FUT8: variants seen among roughly 807,000 people sequenced by gnomAD.
FUT8 encodes the protein alpha-(1,6)-fucosyltransferase.
In FUT8, 29 loss-of-function variants were observed where a neutral mutation model predicts 71.3. That is an observed-to-expected ratio of 0.41 (90% CI 0.30 to 0.55). The LOEUF is 0.55. Among genes scored for constraint, FUT8 ranks in the 20% least tolerant of loss-of-function variants. FUT8 has a pLI of 0.34. For missense variants in FUT8, 544 were observed against 702.1 expected (o/e 0.77, Z 2.55); for synonymous variants, 254 against 239.3 (o/e 1.06, Z -0.57).
chr14:65,425,715 T>C lies in FUT8; in HGVS notation c.-326+12501T>C, dbSNP rs140877815. On this transcript the variant is annotated intron_variant, in intron 1 of 10. Coordinates refer to ENST00000673929, the MANE Select transcript of FUT8 (RefSeq NM_001371533.1). ...CTTTCTGGCTGGGAGCAGTGGCTCA[T>C]GCCTGTAATCCCAACACTTTGGGAG... 5.0e-3 allele frequency among the ~76,000 whole-genome samples: 765 copies of C among 152,190 alleles called. 8 individuals are homozygous for C. The highest frequency in any genetic ancestry group is 0.018 in the African/African-American group (728 of 41,522).
chr14:65,594,101 T>C, intron 3 of FUT8, among the ~76,000 whole-genome samples: 1 of 152,218 alleles, frequency 6.6e-6, no homozygotes, highest in East Asian at 1.9e-4. Context: ...AGTGAAAAAC[T>C]GATGCAGGAT....
At chr14:65,544,083 G>GT (rs1481126703) in intron 2 of FUT8, among the ~76,000 whole-genome samples, 1 of 152,010 alleles carries the variant, frequency 6.6e-6, no homozygotes, top group Non-Finnish European at 1.5e-5. Flanking sequence ...GTCAGGGGCT[G>GT]TTTTTTGGAA....
chr14:65,681,446 T>C (rs1442161401), intron 7 of FUT8, among the ~76,000 whole-genome samples: 1 of 152,212 alleles, frequency 6.6e-6, no homozygotes, highest in Non-Finnish European at 1.5e-5. Context: ...CCTCTTGGTT[T>C]CTTACAAGCT....
intron 5 of FUT8, among the ~76,000 whole-genome samples, chr14:65,619,329 TG>T (rs1419500608): frequency 3.3e-5 from 5 of 152,226 alleles, no homozygotes; most frequent in South Asian, 4.1e-4. Context: ...CAGTGAGCTG[TG>T]GGGGTAAGAC....
At chr14:65,722,129 C>T (rs189103394) in intron 8 of FUT8, 108 bp downstream of exon 8, 354 of 1,340,368 alleles carry the variant, frequency 2.6e-4, no homozygotes, top group Middle Eastern at 1.3e-3. Context: ...TTTATAGTCC[C>T]ACCAAAGGAC....
At chr14:65,716,112 A>G (rs1339176050) in intron 7 of FUT8, among the ~76,000 whole-genome samples, 1 of 152,178 alleles carries the variant, frequency 6.6e-6, no homozygotes, top group Non-Finnish European at 1.5e-5. Context: ...CAGCCATTGG[A>G]TGAAATGTTC....
the FUT8 span, among the ~76,000 whole-genome samples, chr14:65,402,661 G>A: frequency 1.2e-4 from 10 of 85,206 alleles, no homozygotes; most frequent in Non-Finnish European, 2.2e-4. Context: ...GTGAGACTCC[G>A]TCTAAAGCAA....
At chr14:65,610,577 C>T (rs988399163) in intron 3 of FUT8, among the ~76,000 whole-genome samples, 6 of 151,474 alleles carry the variant, frequency 4.0e-5, no homozygotes, top group African/African-American at 7.3e-5. Context: ...TTAGTAGAGA[C>T]GGGGTTTCTC....
In FUT8 at chr14:65,550,209, A is replaced by G. The variant is rs1214286654; in HGVS notation, c.-227-11128A>G. On this transcript the variant is annotated intron_variant, in intron 2 of 10. Transcript: ENST00000673929. This position sits in a 1 kb window ranked among gnomAD's most constrained non-coding sequence, Gnocchi z 4.5. ...GGCAAAGGGGGAGCCAGCGTATCAC[A>G]TGGTGAGAAGGGGTGCAAGAGAGAG... is the stretch of plus-strand genomic sequence containing the variant. 1.1e-4 allele frequency among the ~76,000 whole-genome samples: 17 copies of G among 152,184 alleles called. No homozygotes were observed. The highest frequency in any genetic ancestry group is 1.1e-3 in the Admixed American group (17 of 15,276).
At chr14:65,697,825 A>G (rs1246302817) in intron 7 of FUT8, among the ~76,000 whole-genome samples, 1 of 152,064 alleles carries the variant, frequency 6.6e-6, no homozygotes, top group Non-Finnish European at 1.5e-5. Flanking sequence ...AATACAAACA[A>G]TTAGCTGGGC....
chr14:65,496,661 C>G (rs1408112898), intron 2 of FUT8, among the ~76,000 whole-genome samples: 1 of 152,130 alleles, frequency 6.6e-6, no homozygotes, highest in Non-Finnish European at 1.5e-5. Flanking sequence ...TTCCTGAGGC[C>G]TCCCCAGCCA....
At chr14:65,718,744 C>A (rs1895255515) in intron 7 of FUT8, among the ~76,000 whole-genome samples, 1 of 152,136 alleles carries the variant, frequency 6.6e-6, no homozygotes, top group African/African-American at 2.4e-5. Context: ...ATATACTATT[C>A]TAGGGTAAAA....
At chr14:65,442,445 C>T (rs550889631) in intron 1 of FUT8, among the ~76,000 whole-genome samples, 7 of 151,812 alleles carry the variant, frequency 4.6e-5, no homozygotes, top group South Asian at 2.1e-4. Context: ...GCTGGGATTA[C>T]AGGAGTGAGC....
intron 3 of FUT8, among the ~76,000 whole-genome samples, chr14:65,598,404 A>G (rs1029890958): frequency 6.6e-6 from 1 of 151,890 alleles, no homozygotes; most frequent in Non-Finnish European, 1.5e-5. Context: ...TGTGTTTTTA[A>G]TAGAGACGGG....
At position 65,654,994 on chromosome 14, in the gene FUT8, C is replaced by T. The variant is rs1891600540; in HGVS notation, c.598-14249C>T. 2.6e-5 allele frequency among the ~76,000 whole-genome samples: 4 copies of T among 151,830 alleles called. No homozygotes were observed. In the South Asian group the frequency reaches 8.4e-4, roughly 32 times the overall value. ...TCTCGAACTCTGACCTCAGGTGATC[C>T]GCCCACCTCGGCCTCCCAAAGTGCT... On this transcript the variant is annotated intron_variant, in intron 6 of 10. Transcript: ENST00000673929.
chr14:65,477,883 A>T (rs2066271316), intron 2 of FUT8, among the ~76,000 whole-genome samples: 1 of 151,862 alleles, frequency 6.6e-6, no homozygotes, highest in Non-Finnish European at 1.5e-5. Context: ...ACCCCCCTCA[A>T]AGGAGTTCTA....
At position 65,669,893 on chromosome 14, in the gene FUT8, A is replaced by G. The variant is rs1435077839; in HGVS notation, c.835+413A>G. Among the ~76,000 whole-genome samples, 1 of 152,184 alleles carries G rather than the reference A, an allele frequency of 6.6e-6. No individual in the cohort carries two copies. The highest frequency in any genetic ancestry group is 1.5e-5 in the Non-Finnish European group (1 of 68,030). ...GCATGAGAATCATCTGGAAGGTTTC[A>G]TAAAACTCCATTTTCTGTTAAGGAA... On this transcript the variant is annotated intron_variant, in intron 7 of 10. Coordinates refer to ENST00000673929, the MANE Select transcript of FUT8 (RefSeq NM_001371533.1). This position sits in a 1 kb window ranked among gnomAD's most constrained non-coding sequence, Gnocchi z 4.5.
chr14:65,608,258 T>C (rs531400736), intron 3 of FUT8, among the ~76,000 whole-genome samples: 2 of 152,014 alleles, frequency 1.3e-5, no homozygotes, highest in African/African-American at 4.8e-5. Context: ...CTTATCTGTT[T>C]GTGATTCTCT....
chr14:65,629,738 A>G, intron 6 of FUT8, 132 bp downstream of exon 6: 1 of 640,228 alleles, frequency 1.6e-6, no homozygotes, highest in East Asian at 2.8e-5. Flanking sequence ...TTACATATTT[A>G]TTCAGAAAGA....
Sources: allele counts gnomAD v4.1 joint callset (sites outside exome capture counted in the v4.1 genomes callset), GRCh38; gene constraint gnomAD v4.1.1; non-coding constraint Gnocchi (gnomAD v3.1); transcripts MANE v1.5; gene names NCBI Gene and HGNC (gene_info 2026-07-23, HGNC 2026-07-21).